TRA2A: variants seen among roughly 807,000 people sequenced by gnomAD.
TRA2A encodes the protein transformer 2 alpha homolog, also known as transformer-2 protein homolog alpha.
A neutral mutation model predicts 45.7 loss-of-function variants in TRA2A; 31 were observed. The ratio of observed to expected loss-of-function variants is 0.68; its 90% CI spans 0.51 to 0.92. The LOEUF (loss-of-function observed/expected upper bound fraction) is 0.92, where lower values mean the gene tolerates loss of function less well. Ranked by LOEUF, TRA2A falls within the 40% of genes least tolerant of loss-of-function variation. The pLI, the probability that TRA2A is intolerant of heterozygous loss-of-function variation, is 0.00. For synonymous variants in TRA2A, 132 were observed against 126.2 expected, an observed-to-expected ratio of 1.05 and a Z score of -0.31; for missense variants, 304 against 367.5, an observed-to-expected ratio of 0.83 and a Z score of 1.41.
chr7:23,505,887 A>G (rs1789312519), intron 6 of TRA2A, 74 bp from the exon 7 acceptor site: 1 of 930,662 alleles, frequency 1.1e-6, no homozygotes, highest in Admixed American at 2.7e-5. Flanking sequence ...AAAATTCCTC[A>G]TCATTCAAAA....
At chr7:23,520,683 ATTTTT>A (rs11346990) in intron 2 of TRA2A, among the ~76,000 whole-genome samples, 5 of 129,724 alleles carry the variant, frequency 3.9e-5, no homozygotes, top group South Asian at 5.0e-4. Context: ...GCTGTTTTAA[ATTTTT>A]TTTTTTTTTT....
chr7:23,516,125 G>A (rs1212065981), intron 3 of TRA2A, among the ~76,000 whole-genome samples: 3 of 152,106 alleles, frequency 2.0e-5, no homozygotes, highest in Non-Finnish European at 4.4e-5. Flanking sequence ...GGGAGACAGA[G>A]TAAGACTTTG....
At chr7:23,511,758 C>G (rs142025150) in intron 4 of TRA2A, among the ~76,000 whole-genome samples, 2 of 152,198 alleles carry the variant, frequency 1.3e-5, no homozygotes, top group East Asian at 3.9e-4. Flanking sequence ...CTTTATAATA[C>G]CGAACATGTT....
chr7:23,509,481 CT>C (rs1325422016), intron 4 of TRA2A, among the ~76,000 whole-genome samples: 1 of 152,150 alleles, frequency 6.6e-6, no homozygotes, highest in Non-Finnish European at 1.5e-5. Flanking sequence ...CACACCTGTA[CT>C]CCCAGCACTT....
At chr7:23,531,277 T>C (rs1421581573) in intron 1 of TRA2A, 7 of 987,646 alleles carry the variant, frequency 7.1e-6, no homozygotes, top group Non-Finnish European at 8.4e-6. Context: ...CTCACTGAAA[T>C]AGAGAGCCAA....
intron 4 of TRA2A, among the ~76,000 whole-genome samples, chr7:23,510,833 T>C (rs1211855770): frequency 1.3e-5 from 2 of 151,354 alleles, no homozygotes; most frequent in African/African-American, 2.4e-5. Context: ...AAATCACAAA[T>C]ACGTAACAGT....
intron 3 of TRA2A, 93 bp from the exon 4 acceptor site, chr7:23,513,175 C>G: frequency 2.5e-6 from 2 of 796,862 alleles, no homozygotes; most frequent in Non-Finnish European, 3.8e-6. Flanking sequence ...ATCTAATACA[C>G]AATAAATATA....
At chr7:23,516,673 A>C in intron 2 of TRA2A, 145 bp from the exon 3 acceptor site, 1 of 653,352 alleles carries the variant, frequency 1.5e-6, no homozygotes. Context: ...CCTTTGGTTC[A>C]CTTAAGTCAC....
In TRA2A at chr7:23,531,813, C is replaced by G; in HGVS notation, c.12G>C (p.Val4=). MSD[V]EENNFEGRES... ...CTCTGCCCTCGAAGTTGTTTTCCTCCACATCACTCATGTCGACGAGGCGCT... is the reference window on the plus strand; with the variant it reads ...CTCTGCCCTCGAAGTTGTTTTCCTCGACATCACTCATGTCGACGAGGCGCT... Residue 4 remains valine, a synonymous_variant, in exon 1 of 8, where the codon GTG becomes GTC. Coordinates refer to ENST00000297071, the MANE Select transcript of TRA2A (RefSeq NM_013293.5). 1 of 1,613,856 alleles carries G rather than the reference C, an allele frequency of 6.2e-7. No homozygotes were observed. The highest frequency in any genetic ancestry group is 8.5e-7 in the Non-Finnish European group (1 of 1,180,046).
chr7:23,519,840 C>G (rs1790053013), intron 2 of TRA2A, among the ~76,000 whole-genome samples: 1 of 152,148 alleles, frequency 6.6e-6, no homozygotes, highest in African/African-American at 2.4e-5. Context: ...CACCAATTTA[C>G]AGTTCCAATT....
chr7:23,509,759 G>T (rs1355139835), intron 4 of TRA2A, among the ~76,000 whole-genome samples: 1 of 151,806 alleles, frequency 6.6e-6, no homozygotes, highest in African/African-American at 2.4e-5. Context: ...TTAGCCAAGT[G>T]AAGTGGCTCA....
At chr7:23,508,449 CT>C (rs1018649751) in intron 4 of TRA2A, among the ~76,000 whole-genome samples, 3 of 151,950 alleles carry the variant, frequency 2.0e-5, no homozygotes, top group African/African-American at 7.3e-5. Flanking sequence ...AACAAAAATT[CT>C]TGGTAGAGAA....
intron 1 of TRA2A, among the ~76,000 whole-genome samples, chr7:23,525,484 G>A (rs146359006): frequency 6.6e-6 from 1 of 152,204 alleles, no homozygotes; most frequent in East Asian, 1.9e-4. Flanking sequence ...AACTCAACTC[G>A]TATCATGAAT....
At position 23,531,893 on chromosome 7, in the gene TRA2A, C is replaced by G; in HGVS notation, c.-69G>C. Reference sequence around the variant, plus strand: ...GCTCGAGGGCCGATGGCCTAATTAACCCGCTGACTGGACCGTGGGGAAGAG... The same window carrying G: ...GCTCGAGGGCCGATGGCCTAATTAAGCCGCTGACTGGACCGTGGGGAAGAG... On this transcript the variant is annotated 5_prime_UTR_variant, in exon 1 of 8. Coordinates refer to ENST00000297071, the MANE Select transcript of TRA2A (RefSeq NM_013293.5). The G allele has an allele frequency of 1.3e-6, 2 of 1,553,248 alleles. No homozygotes were observed. The highest frequency in any genetic ancestry group is 1.8e-6 in the Non-Finnish European group (2 of 1,129,462).
chr7:23,518,020 C>CCT (rs1043658808), intron 2 of TRA2A, among the ~76,000 whole-genome samples: 1 of 151,988 alleles, frequency 6.6e-6, no homozygotes, highest in African/African-American at 2.4e-5. Flanking sequence ...CTCACTGCAA[C>CCT]CTCTCTCTCC....
At chr7:23,521,014 A>G (rs1334316762) in intron 2 of TRA2A, among the ~76,000 whole-genome samples, 1 of 151,732 alleles carries the variant, frequency 6.6e-6, no homozygotes, top group Non-Finnish European at 1.5e-5. Context: ...TTTTTATCCC[A>G]CCTCAGTACA....
intron 1 of TRA2A, among the ~76,000 whole-genome samples, chr7:23,526,367 G>A (rs1472338740): frequency 6.6e-6 from 1 of 152,146 alleles, no homozygotes; most frequent in Non-Finnish European, 1.5e-5. Flanking sequence ...ATGAGTATAA[G>A]CTTGTAAAAC....
chr7:23,505,532 ATGTCCTTAATTGC>A lies in TRA2A; in HGVS notation c.*14_*26del. 1 of 491,030 alleles carries A rather than the reference ATGTCCTTAATTGC, an allele frequency of 2.0e-6. No individual in the cohort carries two copies. Among genetic ancestry groups the A allele is most frequent in the East Asian group, 3.4e-5 (1 of 29,160 alleles). 30.4% of individuals were successfully genotyped at this position (491,030 alleles called of 1,614,324 possible). A position where few individuals can be genotyped will look rare whatever the true frequency, so the allele number is the denominator to read the frequency against. ...AAAAAAAAAAAAAAGAGGAAAAAAAATGTCCTTAATTGCAACCATTCCGTTATCAATAGCGTCC... is the reference window on the plus strand; with the variant it reads ...AAAAAAAAAAAAAAGAGGAAAAAAAAAACCATTCCGTTATCAATAGCGTCC... On this transcript the variant is annotated 3_prime_UTR_variant, in exon 8 of 8. Transcript: ENST00000297071.
intron 1 of TRA2A, 86 bp from the exon 2 acceptor site, chr7:23,521,926 G>T: frequency 6.5e-7 from 1 of 1,548,230 alleles, no homozygotes; most frequent in Non-Finnish European, 8.7e-7. Context: ...TATTTATATT[G>T]ATTGCTCCTG....
Sources: allele counts gnomAD v4.1 joint callset (sites outside exome capture counted in the v4.1 genomes callset), GRCh38; gene constraint gnomAD v4.1.1; transcripts MANE v1.5; gene names NCBI Gene and HGNC (gene_info 2026-07-23, HGNC 2026-07-21).